Variants in MIA2 observed in about 807,000 individuals in gnomAD.
MIA2 encodes the protein melanoma inhibitory activity protein 2.
MIA2 carries 127 observed loss-of-function variants against 167.8 expected under a neutral mutation model. That is an observed-to-expected ratio of 0.76 (90% CI 0.66 to 0.88). MIA2 has a LOEUF of 0.88. Ranked by LOEUF, MIA2 falls within the 40% of genes least tolerant of loss-of-function variation. The pLI is 0.00. For missense variants in MIA2, 1,690 were observed against 1,624.7 expected (o/e 1.04, Z -0.69); for synonymous variants, 552 against 541.9 (o/e 1.02, Z -0.26).
intron 24 of MIA2, among the ~76,000 whole-genome samples, chr14:39,324,832 C>CCTCACCTCAGGTGATCCG (rs1476419169): frequency 6.6e-6 from 1 of 152,120 alleles, no homozygotes; most frequent in Non-Finnish European, 1.5e-5. Flanking sequence ...GTTTCGAACT[C>CCTCACCTCAGGTGATCCG]CTCACCTCAG....
At chr14:39,246,845 G>A in intron 3 of MIA2, 66 bp from the exon 4 acceptor site, 12 of 889,554 alleles carry the variant, frequency 1.3e-5, no homozygotes, top group Non-Finnish European at 1.8e-5. Flanking sequence ...CATTTTAAAT[G>A]ACTCAGGGAG....
chr14:39,288,922 GTTTA>G (rs1000162873), intron 9 of MIA2, among the ~76,000 whole-genome samples: 13 of 151,970 alleles, frequency 8.6e-5, no homozygotes, highest in African/African-American at 2.2e-4. Context: ...TTGTTTGTTT[GTTTA>G]TTTATTTATT....
intron 6 of MIA2, among the ~76,000 whole-genome samples, chr14:39,257,100 C>T (rs964045481): frequency 1.3e-5 from 2 of 152,078 alleles, no homozygotes; most frequent in African/African-American, 2.4e-5. Context: ...TCTATTAGGT[C>T]GGCTTGGTCC....
chr14:39,300,981 T>C (rs796760363), intron 14 of MIA2, among the ~76,000 whole-genome samples: 15 of 55,532 alleles, frequency 2.7e-4, no homozygotes, highest in East Asian at 1.7e-3. Flanking sequence ...TACACATATA[T>C]ACATATATAC....
rs368340865 is a variant in MIA2, at chr14:39,249,204, G to A, written c.1567+1063G>A. On this transcript the variant is annotated intron_variant, in intron 4 of 28. Coordinates refer to ENST00000640607, the MANE Select transcript of MIA2 (RefSeq NM_001329214.4). Reference sequence around the variant, plus strand: ...CACCTACACTGGAGTGCAGTGGTGCGATCACAGTTCACTGCAGTCTCAATC... The same window carrying A: ...CACCTACACTGGAGTGCAGTGGTGCAATCACAGTTCACTGCAGTCTCAATC... Among the ~76,000 whole-genome samples the A allele has an allele frequency of 3.6e-4, 55 of 152,202 alleles. No homozygotes were observed. In the South Asian group the frequency reaches 0.011, roughly 30 times the overall value.
chr14:39,314,662 A>T, intron 19 of MIA2, 77 bp from the exon 20 acceptor site: 1 of 1,035,050 alleles, frequency 9.7e-7, no homozygotes, highest in South Asian at 2.3e-5. Flanking sequence ...TTTCTAATAA[A>T]TATTTTTTTA....
intron 23 of MIA2, among the ~76,000 whole-genome samples, chr14:39,378,140 G>A (rs1430094291): frequency 6.6e-6 from 1 of 152,216 alleles, no homozygotes; most frequent in East Asian, 1.9e-4. Flanking sequence ...CAGGTTGAGT[G>A]AAAGGAATTA....
chr14:39,276,445 CTATCA>C (rs1399106455), intron 6 of MIA2: 1 of 154,704 alleles, frequency 6.5e-6, no homozygotes, highest in East Asian at 1.9e-4. Flanking sequence ...ACCCAAATCT[CTATCA>C]GTGGTGTTCA....
intron 23 of MIA2, among the ~76,000 whole-genome samples, chr14:39,367,167 C>G (rs1016115566): frequency 4.5e-4 from 68 of 152,256 alleles, no homozygotes; most frequent in Non-Finnish European, 7.5e-4. Context: ...GGGGCAGCCT[C>G]CCTTGTGTGC....
In MIA2 at chr14:39,247,167, A is replaced by G. The variant is rs1258508725; in HGVS notation, c.593A>G (p.Glu198Gly). 1 of 1,614,138 alleles carries G rather than the reference A, an allele frequency of 6.2e-7. No homozygotes were observed. The highest frequency in any genetic ancestry group is 1.1e-5 in the South Asian group (1 of 91,072). ...ACCAGTGAATCAAAAGACTGGGAAG[A>G]AGTAGTTGTTGAAAGTATGGAACAG... is the stretch of plus-strand genomic sequence containing the variant. ...GSTSESKDWE[E>G]VVVESMEQDR... Residue 198 changes from glutamate (E) to glycine (G), a missense_variant, in exon 4 of 29, where the codon GAA (glutamate) becomes GGA (glycine). Glu to Gly is a moderately conservative substitution (Grantham distance 98). Coordinates refer to ENST00000640607, the MANE Select transcript of MIA2 (RefSeq NM_001329214.4).
In MIA2 at chr14:39,302,252, A is replaced by T; in HGVS notation, c.2740+3A>T. ...ATCGGAAAATGGTGCTTACTTAGGTATTAAGTCATGACTCATCTCCTTTTG... is the reference window on the plus strand; with the variant it reads ...ATCGGAAAATGGTGCTTACTTAGGTTTTAAGTCATGACTCATCTCCTTTTG... On this transcript the variant is annotated splice_donor_region_variant and intron_variant, in intron 15 of 28. Coordinates refer to ENST00000640607, the MANE Select transcript of MIA2 (RefSeq NM_001329214.4). 1 of 1,613,378 alleles carries T rather than the reference A, an allele frequency of 6.2e-7. No homozygotes were observed. The highest frequency in any genetic ancestry group is 8.5e-7 in the Non-Finnish European group (1 of 1,179,508).
chr14:39,260,636 A>T (rs899220386), intron 6 of MIA2, among the ~76,000 whole-genome samples: 1 of 151,974 alleles, frequency 6.6e-6, no homozygotes, highest in Non-Finnish European at 1.5e-5. Context: ...GATTGCAAAA[A>T]TTTTCTCCCA....
chr14:39,331,062 A>G (rs2068753442), intron 25 of MIA2, among the ~76,000 whole-genome samples: 1 of 152,100 alleles, frequency 6.6e-6, no homozygotes, highest in Non-Finnish European at 1.5e-5. Context: ...TGGGGTGTCA[A>G]AGTCTCCCAC....
At chr14:39,329,073 C>T (rs935276743) in intron 25 of MIA2, among the ~76,000 whole-genome samples, 5 of 152,080 alleles carry the variant, frequency 3.3e-5, no homozygotes, top group African/African-American at 1.2e-4. Context: ...GCCATTTTCA[C>T]GATATTGATT....
At chr14:39,264,499 A>C (rs556246615) in intron 6 of MIA2, among the ~76,000 whole-genome samples, 1 of 152,264 alleles carries the variant, frequency 6.6e-6, no homozygotes, top group African/African-American at 2.4e-5. Flanking sequence ...TTCTATTTTT[A>C]ACACTACTTT....
At chr14:39,324,935 A>T (rs924305699) in intron 24 of MIA2, among the ~76,000 whole-genome samples, 1 of 152,092 alleles carries the variant, frequency 6.6e-6, no homozygotes, top group Non-Finnish European at 1.5e-5. Flanking sequence ...TTGAAAAAAA[A>T]TTGTTCACTG....
chr14:39,285,401 A>C (rs1258804084), intron 9 of MIA2, among the ~76,000 whole-genome samples: 1 of 137,586 alleles, frequency 7.3e-6, no homozygotes, highest in Non-Finnish European at 1.6e-5. Context: ...TCCCTCCCGG[A>C]AGGGGCGGCT....
chr14:39,292,959 T>C, intron 10 of MIA2, among the ~76,000 whole-genome samples: 1 of 152,188 alleles, frequency 6.6e-6, no homozygotes, highest in Non-Finnish European at 1.5e-5. Context: ...CCACTTTTTT[T>C]TGTAAAAAAT....
chr14:39,317,282 G>A (rs1197318660), intron 21 of MIA2, among the ~76,000 whole-genome samples: 1 of 152,178 alleles, frequency 6.6e-6, no homozygotes, highest in Non-Finnish European at 1.5e-5. Context: ...CTGAGCAGTA[G>A]CTTGTCACAC....
Sources: allele counts gnomAD v4.1 joint callset (sites outside exome capture counted in the v4.1 genomes callset), GRCh38; gene constraint gnomAD v4.1.1; transcripts MANE v1.5; gene names NCBI Gene and HGNC (gene_info 2026-07-23, HGNC 2026-07-21).